CCDC178: variants seen among roughly 807,000 people sequenced by gnomAD.
CCDC178 encodes coiled-coil domain containing 178, also known as coiled-coil domain-containing protein 178.
Under a neutral mutation model 117.4 loss-of-function variants are expected in CCDC178, and 126 were observed. That is an observed-to-expected ratio of 1.07 (90% CI 0.93 to 1.24). CCDC178 has a LOEUF of 1.24. Ranked by LOEUF, CCDC178 falls within the 50% of genes most tolerant of loss-of-function variation. The pLI, the probability that CCDC178 is intolerant of heterozygous loss-of-function variation, is 0.00. For missense variants in CCDC178, 1,030 were observed against 986.9 expected (o/e 1.04, Z -0.59); for synonymous variants, 283 against 313.4 (o/e 0.90, Z 1.02).
At chr18:33,253,321 A>G (rs2144719925) in intron 14 of CCDC178, among the ~76,000 whole-genome samples, 1 of 151,918 alleles carries the variant, frequency 6.6e-6, no homozygotes, top group Non-Finnish European at 1.5e-5. Flanking sequence ...TGCAGTAATT[A>G]CGTAATTTAT....
chr18:33,117,778 T>C (rs547532154), intron 20 of CCDC178, among the ~76,000 whole-genome samples: 64 of 152,092 alleles, frequency 4.2e-4, no homozygotes, highest in African/African-American at 1.5e-3. Context: ...TTCCCTGCTA[T>C]AAAACACTTC....
At chr18:33,058,879 T>C (rs2056873477) in intron 21 of CCDC178, among the ~76,000 whole-genome samples, 1 of 152,174 alleles carries the variant, frequency 6.6e-6, no homozygotes, top group South Asian at 2.1e-4. Flanking sequence ...AATTTATATC[T>C]CACACAATTT....
At chr18:32,962,026 T>C (rs1285355273) in intron 22 of CCDC178, among the ~76,000 whole-genome samples, 4 of 151,890 alleles carry the variant, frequency 2.6e-5, no homozygotes, top group Non-Finnish European at 5.9e-5. Context: ...ATCAAACACT[T>C]TTTAGAATTC....
chr18:33,001,012 A>G (rs1042037622), intron 21 of CCDC178, among the ~76,000 whole-genome samples: 2 of 152,190 alleles, frequency 1.3e-5, no homozygotes, highest in Middle Eastern at 3.2e-3. Flanking sequence ...AACTACGACA[A>G]TTTTTCAAGA....
chr18:33,402,074 T>G (rs536212423), intron 3 of CCDC178, among the ~76,000 whole-genome samples: 2 of 152,238 alleles, frequency 1.3e-5, no homozygotes, highest in South Asian at 4.1e-4. Context: ...AAATAAATAT[T>G]GAAGGCCACA....
intron 21 of CCDC178, among the ~76,000 whole-genome samples, chr18:33,073,457 T>C (rs1041218777): frequency 6.6e-6 from 1 of 152,162 alleles, no homozygotes; most frequent in Non-Finnish European, 1.5e-5. Flanking sequence ...TTACTGTATA[T>C]TGAATTTGCT....
At chr18:32,954,961 T>G (rs2054563531) in intron 22 of CCDC178, among the ~76,000 whole-genome samples, 1 of 152,136 alleles carries the variant, frequency 6.6e-6, no homozygotes, top group Non-Finnish European at 1.5e-5. Context: ...TTGCTATCTC[T>G]CAAATACCCT....
At chr18:33,023,700 C>A (rs887843417) in intron 21 of CCDC178, among the ~76,000 whole-genome samples, 1 of 151,660 alleles carries the variant, frequency 6.6e-6, no homozygotes, top group Admixed American at 6.6e-5. Flanking sequence ...AAATCCAAAG[C>A]AAGTAAATGG....
In CCDC178 at chr18:33,404,631, C is replaced by T. The variant is rs112323259; in HGVS notation, c.58+7400G>A. Reference sequence around the variant, plus strand: ...ACTATACACCCAACAGGAATGAAAACATATGTTTGCATAAAAACTTGTATT... The same window carrying T: ...ACTATACACCCAACAGGAATGAAAATATATGTTTGCATAAAAACTTGTATT... On this transcript the variant is annotated intron_variant, in intron 3 of 22. Transcript: ENST00000383096. Among the ~76,000 whole-genome samples the T allele has an allele frequency of 2.4e-3, 358 of 152,196 alleles. 3 individuals carry two copies. Among genetic ancestry groups the T allele is most frequent in the African/African-American group, 8.3e-3 (345 of 41,556 alleles).
intron 21 of CCDC178, among the ~76,000 whole-genome samples, chr18:33,031,533 CTTTTA>C (rs1347689375): frequency 6.6e-6 from 1 of 151,876 alleles, no homozygotes; most frequent in East Asian, 1.9e-4. Context: ...AATTTTATGT[CTTTTA>C]TTAAAGTACA....
In CCDC178 at chr18:33,110,264, TAC is replaced by T. The variant is rs1411919788; in HGVS notation, c.2239-17356_2239-17355del. On this transcript the variant is annotated intron_variant, in intron 20 of 22. Transcript: ENST00000383096. ...ATGCTGCCTGTCTTTATTGTTTTGT[TAC>T]AGTTTCTTTATTCATCATGGATGAG... Among the ~76,000 whole-genome samples the T allele has an allele frequency of 9.2e-5, 14 of 151,662 alleles. No individual in the cohort carries two copies. In the Admixed American group the frequency reaches 9.2e-4, roughly 10 times the overall value.
chr18:33,030,774 T>C (rs192038930), intron 21 of CCDC178, among the ~76,000 whole-genome samples: 3 of 151,882 alleles, frequency 2.0e-5, no homozygotes, highest in South Asian at 2.1e-4. Context: ...AGATGACAGA[T>C]AGATAAGAAG....
chr18:33,217,308 T>C (rs2059178202), intron 18 of CCDC178, among the ~76,000 whole-genome samples: 1 of 152,032 alleles, frequency 6.6e-6, no homozygotes, highest in South Asian at 2.1e-4. Flanking sequence ...AAATTTCTTC[T>C]ATGATCATTG....
At chr18:33,002,675 A>C (rs2055663472) in intron 21 of CCDC178, among the ~76,000 whole-genome samples, 2 of 152,036 alleles carry the variant, frequency 1.3e-5, no homozygotes, top group South Asian at 4.1e-4. Context: ...AGACATAATA[A>C]AGATCAGAGC....
chr18:33,071,755 A>G (rs1024434704), intron 21 of CCDC178, among the ~76,000 whole-genome samples: 1 of 152,164 alleles, frequency 6.6e-6, no homozygotes, highest in African/African-American at 2.4e-5. Flanking sequence ...TGAAATTTCA[A>G]TTTAAAGTTG....
In CCDC178 at chr18:33,379,166, TATATATAATATATATATTTCC is replaced by T. The variant is rs1466863858; in HGVS notation, c.209-8998_209-8978del. Among the ~76,000 whole-genome samples, 818 of 136,748 alleles carry T rather than the reference TATATATAATATATATATTTCC, an allele frequency of 6.0e-3. 16 individuals are homozygous for T. Among genetic ancestry groups the T allele is most frequent in the East Asian group, 0.058 (269 of 4,660 alleles). The allele number at this position is 136,748 out of a possible 152,430, so 89.7% of individuals were successfully genotyped here. On this transcript the variant is annotated intron_variant, in intron 5 of 22. Coordinates refer to ENST00000383096, the MANE Select transcript of CCDC178 (RefSeq NM_001105528.4). ...TATATATATAATATATATATTTCCA[TATATATAATATATATATTTCC>T]ATATATATAATATATATATATTTCC...
chr18:33,055,036 C>T (rs187063194), intron 21 of CCDC178, among the ~76,000 whole-genome samples: 14 of 152,232 alleles, frequency 9.2e-5, no homozygotes, highest in African/African-American at 3.1e-4. Context: ...TCAGAGATGT[C>T]GAGCATTTTT....
intron 12 of CCDC178, among the ~76,000 whole-genome samples, chr18:33,270,416 C>T (rs2059873062): frequency 6.6e-6 from 1 of 151,432 alleles, no homozygotes; most frequent in South Asian, 2.1e-4. Context: ...GTTGTAAAAA[C>T]TCAAAGATAT....
intron 10 of CCDC178, among the ~76,000 whole-genome samples, chr18:33,323,914 ACTT>A (rs1324238202): frequency 1.3e-5 from 2 of 151,848 alleles, no homozygotes; most frequent in Non-Finnish European, 3.0e-5. Flanking sequence ...CTCAAATAAT[ACTT>A]TATTATTTAA....
Sources: allele counts gnomAD v4.1 joint callset (sites outside exome capture counted in the v4.1 genomes callset), GRCh38; gene constraint gnomAD v4.1.1; transcripts MANE v1.5; gene names NCBI Gene and HGNC (gene_info 2026-07-23, HGNC 2026-07-21).